ERBB4: variants seen among roughly 807,000 people sequenced by gnomAD.
The protein encoded by ERBB4 is erb-b2 receptor tyrosine kinase 4, also known as receptor tyrosine-protein kinase erbB-4.
Under a neutral mutation model 158.0 loss-of-function variants are expected in ERBB4, and 42 were observed. That is an observed-to-expected ratio of 0.27 (90% CI 0.21 to 0.34). The LOEUF (loss-of-function observed/expected upper bound fraction) is 0.34. ERBB4 is among the 10% of genes least tolerant of loss of function. The pLI, the probability that ERBB4 is intolerant of heterozygous loss-of-function variation, is 1.00. For synonymous variants in ERBB4, 583 were observed against 558.7 expected (o/e 1.04, Z -0.61); for missense variants, 1,333 against 1,624.1 (o/e 0.82, Z 3.08).
At chr2:211,898,075 T>C (rs990236453) in intron 3 of ERBB4, among the ~76,000 whole-genome samples, 12 of 151,978 alleles carry the variant, frequency 7.9e-5, no homozygotes, top group Non-Finnish European at 8.8e-5. Context: ...GATTTTTTTT[T>C]CTAATAAGCA....
chr2:211,709,986 C>T (rs571243833), intron 9 of ERBB4, among the ~76,000 whole-genome samples: 14 of 152,142 alleles, frequency 9.2e-5, no homozygotes, highest in South Asian at 2.1e-4. Context: ...TCCAAACTTT[C>T]GTATAATTGG....
intron 1 of ERBB4, among the ~76,000 whole-genome samples, chr2:212,510,222 T>C (rs940146995): frequency 1.2e-4 from 17 of 143,254 alleles, no homozygotes; most frequent in Non-Finnish European, 2.4e-4. Flanking sequence ...TATATATATA[T>C]ATATATATAT....
At chr2:211,585,055 A>G (rs2068222865) in intron 19 of ERBB4, among the ~76,000 whole-genome samples, 1 of 152,168 alleles carries the variant, frequency 6.6e-6, no homozygotes, top group African/African-American at 2.4e-5. Flanking sequence ...GAATAATAAA[A>G]AGACTTCCTT....
intron 5 of ERBB4, among the ~76,000 whole-genome samples, chr2:211,735,391 A>G (rs1200461722): frequency 6.6e-6 from 1 of 152,198 alleles, no homozygotes; most frequent in African/African-American, 2.4e-5. Flanking sequence ...ATATATCTTC[A>G]TTTACATGTT....
intron 2 of ERBB4, among the ~76,000 whole-genome samples, chr2:211,995,770 G>T (rs532526901): frequency 6.6e-6 from 1 of 152,140 alleles, no homozygotes; most frequent in East Asian, 1.9e-4. Flanking sequence ...TCAGGTCTCA[G>T]TTGTAATGTG....
chr2:211,980,521 T>C (rs2081759912), intron 2 of ERBB4, among the ~76,000 whole-genome samples: 1 of 151,256 alleles, frequency 6.6e-6, no homozygotes, highest in Non-Finnish European at 1.5e-5. Flanking sequence ...CTAAAGGCTG[T>C]TTGTTTGTTT....
intron 19 of ERBB4, among the ~76,000 whole-genome samples, chr2:211,582,304 C>T (rs987488703): frequency 1.3e-5 from 2 of 152,152 alleles, no homozygotes; most frequent in African/African-American, 4.8e-5. Flanking sequence ...ATAACAAACT[C>T]TGAAGCAATT....
intron 3 of ERBB4, among the ~76,000 whole-genome samples, chr2:211,825,796 A>T (rs924023689): frequency 1.4e-5 from 2 of 147,576 alleles, no homozygotes; most frequent in African/African-American, 4.9e-5. Context: ...TATATCAATG[A>T]TATATTTATA....
intron 20 of ERBB4, among the ~76,000 whole-genome samples, chr2:211,520,520 GGA>G (rs534059461): frequency 1.4e-3 from 207 of 152,176 alleles, no homozygotes; most frequent in South Asian, 5.2e-3. Flanking sequence ...GAAGAGAAGG[GGA>G]GAGGGTTAAG....
At chr2:212,257,619 T>G (rs915663836) in intron 1 of ERBB4, among the ~76,000 whole-genome samples, 46 of 152,138 alleles carry the variant, frequency 3.0e-4, no homozygotes, top group African/African-American at 1.1e-3. Flanking sequence ...GACCCGAAAC[T>G]TTAACCACCC....
intron 2 of ERBB4, among the ~76,000 whole-genome samples, chr2:212,099,905 A>T (rs2079036543): frequency 6.6e-6 from 1 of 152,104 alleles, no homozygotes; most frequent in South Asian, 2.1e-4. Context: ...TACTAATTCC[A>T]TTTTAAAGAT....
Position 211,917,593 on chromosome 2 carries a change from T to G in ERBB4, c.421+29837A>C, listed in dbSNP as rs547813880. On this transcript the variant is annotated intron_variant, in intron 3 of 27. Coordinates refer to ENST00000342788, the MANE Select transcript of ERBB4 (RefSeq NM_005235.3). ...CCAGAACCTGCCTTTTTAACTACAATCCTATACAGCCTCTTAACTATAACT... is the reference window on the plus strand; with the variant it reads ...CCAGAACCTGCCTTTTTAACTACAAGCCTATACAGCCTCTTAACTATAACT... Among the ~76,000 whole-genome samples the G allele has an allele frequency of 7.8e-3, 1,192 of 152,260 alleles. 6 individuals carry two copies. Among genetic ancestry groups the G allele is most frequent in the Non-Finnish European group, 0.012 (796 of 68,010 alleles).
chr2:211,882,827 C>T (rs2078698844), intron 3 of ERBB4, among the ~76,000 whole-genome samples: 1 of 152,170 alleles, frequency 6.6e-6, no homozygotes, highest in Non-Finnish European at 1.5e-5. Context: ...TTGGAATCAA[C>T]ATCAAGTTAA....
At chr2:211,488,290 C>CTGTT (rs1224832502) in intron 20 of ERBB4, among the ~76,000 whole-genome samples, 1 of 152,082 alleles carries the variant, frequency 6.6e-6, no homozygotes, top group African/African-American at 2.4e-5. Context: ...AGCCTTCAAG[C>CTGTT]TGTTCTATGT....
intron 4 of ERBB4, among the ~76,000 whole-genome samples, chr2:211,783,998 C>T (rs1305153743): frequency 6.6e-6 from 1 of 152,164 alleles, no homozygotes; most frequent in Admixed American, 6.5e-5. Context: ...CCATCTGGTC[C>T]TGGACTTTTT....
At chr2:211,523,870 T>C (rs2066259742) in intron 20 of ERBB4, among the ~76,000 whole-genome samples, 1 of 152,118 alleles carries the variant, frequency 6.6e-6, no homozygotes, top group African/African-American at 2.4e-5. Context: ...GTCCTGCTGA[T>C]TGGTAGAGCC....
intron 1 of ERBB4, among the ~76,000 whole-genome samples, chr2:212,474,726 T>G (rs1351482592): frequency 6.6e-6 from 1 of 152,034 alleles, no homozygotes; most frequent in Non-Finnish European, 1.5e-5. Context: ...CAAGTTCTTA[T>G]GTTGGGTAGG....
At chr2:211,401,320 G>T (rs1453174684) in intron 25 of ERBB4, among the ~76,000 whole-genome samples, 1 of 152,040 alleles carries the variant, frequency 6.6e-6, no homozygotes, top group Admixed American at 6.6e-5. Context: ...GGGTGAGAAA[G>T]TCAATGGAAC....
chr2:212,004,618 T>A (rs2125290948), intron 2 of ERBB4, among the ~76,000 whole-genome samples: 1 of 152,274 alleles, frequency 6.6e-6, no homozygotes. Context: ...ACTTTGAGAC[T>A]TCCATTACCT....
Sources: allele counts gnomAD v4.1 joint callset (sites outside exome capture counted in the v4.1 genomes callset), GRCh38; gene constraint gnomAD v4.1.1; transcripts MANE v1.5; gene names NCBI Gene and HGNC (gene_info 2026-07-23, HGNC 2026-07-21).